The following PAM variants were observed in gnomAD, a reference collection of about 807,000 sequenced individuals.
The protein encoded by PAM is peptidyl-glycine alpha-amidating monooxygenase.
Under a neutral mutation model 122.1 loss-of-function variants are expected in PAM, and 72 were observed. That is an observed-to-expected ratio of 0.59 (90% CI 0.49 to 0.72). The LOEUF (loss-of-function observed/expected upper bound fraction) is 0.72. PAM is among the 30% of genes least tolerant of loss of function. The probability of loss-of-function intolerance (pLI) is 0.00; values close to 1 mark genes in which losing one functional copy is unlikely to be tolerated. For missense variants in PAM, 1,106 were observed against 1,183.7 expected, an observed-to-expected ratio of 0.93 and a Z score of 0.96; for synonymous variants, 389 against 404.4, an observed-to-expected ratio of 0.96 and a Z score of 0.46.
rs116681358 is a variant in PAM, at chr5:102,846,428, T to A, written c.-373-19395T>A. ...GTAATTTTAAAAACTCAACTTGCTGTCTCCTGCCTCAAGGTTGATCTATAA... is the reference window on the plus strand; with the variant it reads ...GTAATTTTAAAAACTCAACTTGCTGACTCCTGCCTCAAGGTTGATCTATAA... On this transcript the variant is annotated intron_variant, in intron 1 of 25. Transcript: ENST00000438793. Among the ~76,000 whole-genome samples, 656 of 152,308 alleles carry A rather than the reference T, an allele frequency of 4.3e-3. 6 individuals carry two copies. Among genetic ancestry groups the A allele is most frequent in the African/African-American group, 0.014 (582 of 41,562 alleles).
At chr5:102,976,114 G>C (rs1767575884) in intron 15 of PAM, among the ~76,000 whole-genome samples, 1 of 152,256 alleles carries the variant, frequency 6.6e-6, no homozygotes, top group Non-Finnish European at 1.5e-5. Context: ...GAATGTCACT[G>C]ACGTGAATAA....
At position 102,928,133 on chromosome 5, in the gene PAM, C is replaced by T. The variant is rs188380638; in HGVS notation, c.526+1465C>T. 3.4e-3 allele frequency among the ~76,000 whole-genome samples: 523 copies of T among 152,286 alleles called. 5 individuals carry two copies. Among genetic ancestry groups the T allele is most frequent in the Admixed American group, 0.014 (211 of 15,298 alleles). On this transcript the variant is annotated intron_variant, in intron 7 of 25. Coordinates refer to ENST00000438793, the MANE Select transcript of PAM (RefSeq NM_001177306.2). ...TTCCAGATCACCACAACTAAAGTAG[C>T]TCATCATACTGGCGCAGGTTCCCGC... is the stretch of plus-strand genomic sequence containing the variant.
chr5:102,821,422 G>A (rs940044095), intron 1 of PAM, among the ~76,000 whole-genome samples: 6 of 152,104 alleles, frequency 3.9e-5, no homozygotes, highest in African/African-American at 1.2e-4. Flanking sequence ...TCTAACTGGC[G>A]CTGTCTTCCT....
At chr5:102,898,216 T>A (rs1371020602) in intron 3 of PAM, among the ~76,000 whole-genome samples, 2 of 151,618 alleles carry the variant, frequency 1.3e-5, no homozygotes, top group African/African-American at 2.4e-5. Flanking sequence ...TAGATAGCAC[T>A]GGGCACCATG....
intron 4 of PAM, among the ~76,000 whole-genome samples, chr5:102,912,641 G>A (rs1241737954): frequency 6.6e-6 from 1 of 151,970 alleles, no homozygotes; most frequent in African/African-American, 2.4e-5. Context: ...GTGAACGGCT[G>A]TAACTCCCAA....
intron 22 of PAM, 73 bp from the exon 23 acceptor site, chr5:103,019,717 A>G (rs1783018555): frequency 3.1e-6 from 3 of 960,334 alleles, no homozygotes; most frequent in Non-Finnish European, 5.1e-6. Context: ...AGTAAAATTA[A>G]TATCAAAGTT....
At position 102,990,327 on chromosome 5, in the gene PAM, G is replaced by T. The variant is rs1402327898; in HGVS notation, c.1539G>T (p.Gln513His). 2.5e-6 allele frequency: 4 copies of T among 1,609,348 alleles called. No individual in the cohort carries two copies. The highest frequency in any genetic ancestry group is 4.5e-5 in the East Asian group (2 of 44,774). The change falls in exon 16 of 26, where the codon CAG (glutamine) becomes CAT (histidine). Residue 513 changes from glutamine (Q) to histidine (H), a missense_variant. Physicochemically the swap from Gln to His is conservative, Grantham distance 24 (BLOSUM62 0). Transcript: ENST00000438793. ...DWPGVYLLPG[Q>H]VSGVALDPKN... ...CTGGAGTATACTTGTTACCAGGCCAGGTTTCTGGGGTGGCTCTAGACCCTA... is the reference window on the plus strand; with the variant it reads ...CTGGAGTATACTTGTTACCAGGCCATGTTTCTGGGGTGGCTCTAGACCCTA...
chr5:102,961,942 C>T (rs1449408327), intron 14 of PAM, among the ~76,000 whole-genome samples: 1 of 151,812 alleles, frequency 6.6e-6, no homozygotes, highest in Non-Finnish European at 1.5e-5. Flanking sequence ...TTTTGGCCTA[C>T]GATACACGTT....
At chr5:102,935,117 T>TA (rs1398400469) in intron 7 of PAM, among the ~76,000 whole-genome samples, 1 of 152,082 alleles carries the variant, frequency 6.6e-6, no homozygotes. Flanking sequence ...AAAAAATTGA[T>TA]AAAACCCTCT....
chr5:102,927,040 C>T (rs1749806406), intron 7 of PAM, among the ~76,000 whole-genome samples: 1 of 152,066 alleles, frequency 6.6e-6, no homozygotes, highest in African/African-American at 2.4e-5. Context: ...CTGAGCAAGC[C>T]ACCGAGAGTC....
At chr5:102,866,333 T>A in intron 2 of PAM, 49 bp downstream of exon 2, 1 of 1,211,074 alleles carries the variant, frequency 8.3e-7, no homozygotes, top group Non-Finnish European at 1.2e-6. Context: ...TTGAGAAATG[T>A]AATCACTTTT....
intron 7 of PAM, among the ~76,000 whole-genome samples, chr5:102,941,625 C>G (rs1015369941): frequency 2.0e-5 from 3 of 151,954 alleles, no homozygotes; most frequent in Non-Finnish European, 4.4e-5. Context: ...GTATCTGTAA[C>G]TGGAGAGTCC....
Position 102,866,210 on chromosome 5 carries a change from C to T in PAM, c.15C>T (p.Val5=), listed in dbSNP as rs767279156. The stretch of plus-strand genomic sequence containing the variant: ...TCGGCGTGGACATGGCTGGCCGCGT[C>T]CCTAGCCTGCTAGTTCTCCTTGTTT... MAGR[V]PSLLVLLVFP... The change falls in exon 2 of 26, where the codon GTC becomes GTT. Residue 5 remains valine, a synonymous_variant. Transcript: ENST00000438793. The T allele has an allele frequency of 9.9e-6, 16 of 1,612,878 alleles. No homozygotes were observed. Among genetic ancestry groups the T allele is most frequent in the Non-Finnish European group, 1.4e-5 (16 of 1,179,476 alleles).
chr5:102,997,178 AGTTGTTACATT>A (rs1300865908), intron 16 of PAM, among the ~76,000 whole-genome samples: 1 of 152,178 alleles, frequency 6.6e-6, no homozygotes, highest in African/African-American at 2.4e-5. Context: ...CCAGATAATT[AGTTGTTACATT>A]GTAACAAGAT....
Position 102,959,929 on chromosome 5 carries a change from C to T in PAM, c.960C>T (p.Ala320=). 1 of 1,612,242 alleles carries T rather than the reference C, an allele frequency of 6.2e-7. No individual in the cohort carries two copies. Among genetic ancestry groups the T allele is most frequent in the Non-Finnish European group, 8.5e-7 (1 of 1,178,610 alleles). ...CNLYIMYYME[A]KHAVSFMTCT... ...TATACATTATGTATTACATGGAAGC[C>T]AAGCATGCAGTTTCTTTCATGACCT... Residue 320 remains alanine (A), a synonymous_variant, in exon 13 of 26, where the codon GCC becomes GCT. Transcript: ENST00000438793.
chr5:103,028,993 A>C lies in PAM; in HGVS notation c.2850A>C (p.Lys950Asn). Reference protein sequence around the residue: ...RLSTEGSDQEKEDDGSESEEE... With the variant: ...RLSTEGSDQENEDDGSESEEE... ...GCACTGAGGGCAGTGACCAAGAGAAAGAGGATGATGGAAGTGAATCAGAAG... is the reference window on the plus strand; with the variant it reads ...GCACTGAGGGCAGTGACCAAGAGAACGAGGATGATGGAAGTGAATCAGAAG... Residue 950 changes from lysine (K) to asparagine (N), a missense_variant, in exon 26 of 26, where the codon AAA becomes AAC. Lys to Asn is a moderately conservative substitution (Grantham distance 94). Transcript: ENST00000438793. 2 of 1,613,830 alleles carry C rather than the reference A, an allele frequency of 1.2e-6. No individual in the cohort carries two copies. Among genetic ancestry groups the C allele is most frequent in the Non-Finnish European group, 1.7e-6 (2 of 1,179,808 alleles).
chr5:102,959,908 C>G lies in PAM; in HGVS notation c.939C>G (p.Tyr313Ter). Residue 313 changes from tyrosine (Y) to a stop codon, truncating the protein, a stop_gained, in exon 13 of 26, where the codon TAC becomes TAG. Coordinates refer to ENST00000438793, the MANE Select transcript of PAM (RefSeq NM_001177306.2). LOFTEE classifies it high-confidence loss of function. ...CTAGTGATGAAATGTGCAACTTATA[C>G]ATTATGTATTACATGGAAGCCAAGC... is the stretch of plus-strand genomic sequence containing the variant. ...GTSSDEMCNL[Y>*]IMYYMEAKHA... 1.2e-6 allele frequency: 2 copies of G among 1,612,238 alleles called. No individual in the cohort carries two copies. The highest frequency in any genetic ancestry group is 1.7e-6 in the Non-Finnish European group (2 of 1,178,670).
At chr5:102,802,241 A>G (rs1431459305) in intron 1 of PAM, among the ~76,000 whole-genome samples, 3 of 152,194 alleles carry the variant, frequency 2.0e-5, no homozygotes, top group East Asian at 3.8e-4. Context: ...AGTTTTTGGT[A>G]TTAGAGTAAG....
intron 24 of PAM, among the ~76,000 whole-genome samples, chr5:103,026,611 T>A (rs1785003972): frequency 6.6e-6 from 1 of 152,194 alleles, no homozygotes; most frequent in African/African-American, 2.4e-5. Context: ...GTTATATAGA[T>A]GCTTCAAAAG....
Sources: gnomAD v4.1 joint callset for allele counts (sites outside exome capture counted in the v4.1 genomes callset) on GRCh38, gnomAD v4.1.1 for gene constraint, MANE v1.5 for transcripts, NCBI Gene and HGNC (gene_info 2026-07-23, HGNC 2026-07-21) for gene names.